The following FAM83A variants were observed in gnomAD, a reference collection of about 807,000 sequenced individuals.
FAM83A encodes scaffolding CK1 anchoring protein A.
Under a neutral mutation model 24.4 loss-of-function variants are expected in FAM83A, and 21 were observed. The observed-to-expected ratio is 0.86, with a 90% CI of 0.61 to 1.24. FAM83A has a LOEUF of 1.24. FAM83A is among the 50% of genes most tolerant of loss of function. The pLI, the probability that FAM83A is intolerant of heterozygous loss-of-function variation, is 0.00. For synonymous variants in FAM83A, 270 were observed against 252.4 expected (o/e 1.07, Z -0.66); for missense variants, 617 against 579.8 (o/e 1.06, Z -0.66).
intron 3 of FAM83A, among the ~76,000 whole-genome samples, chr8:123,203,266 A>G (rs1824421134): frequency 6.6e-6 from 1 of 151,694 alleles, no homozygotes; most frequent in Non-Finnish European, 1.5e-5. Flanking sequence ...TAATCTGACT[A>G]TATTACAATT....
chr8:123,205,442 G>A (rs1210833559), intron 3 of FAM83A, among the ~76,000 whole-genome samples: 1 of 152,226 alleles, frequency 6.6e-6, no homozygotes, highest in Non-Finnish European at 1.5e-5. Context: ...ACCTCTCTGG[G>A]GGTGTGGGTG....
chr8:123,193,716 G>A (rs1032609279), intron 2 of FAM83A, among the ~76,000 whole-genome samples: 4 of 152,180 alleles, frequency 2.6e-5, no homozygotes, highest in African/African-American at 9.7e-5. Context: ...CAACGTTCTG[G>A]CAGATTCGGC....
chr8:123,196,934 C>T (rs1019564588), intron 3 of FAM83A, among the ~76,000 whole-genome samples: 2 of 152,186 alleles, frequency 1.3e-5, no homozygotes, highest in Non-Finnish European at 2.9e-5. Context: ...CTCTCTCCTG[C>T]CTCATGGATT....
At chr8:123,187,334 C>T (rs1823836863) in intron 1 of FAM83A, among the ~76,000 whole-genome samples, 1 of 152,128 alleles carries the variant, frequency 6.6e-6, no homozygotes, top group Admixed American at 6.5e-5. Flanking sequence ...TAAGACCCTG[C>T]CCTTTCGAAC....
chr8:123,187,766 G>A (rs970054315), intron 1 of FAM83A, among the ~76,000 whole-genome samples: 4 of 152,220 alleles, frequency 2.6e-5, no homozygotes, highest in African/African-American at 7.2e-5. Flanking sequence ...GTCAGGGCCA[G>A]TGGAGAAAGT....
chr8:123,195,797 A>T (rs1824130255), intron 3 of FAM83A, among the ~76,000 whole-genome samples: 1 of 152,132 alleles, frequency 6.6e-6, no homozygotes, highest in Non-Finnish European at 1.5e-5. Context: ...CTGCAAGGGC[A>T]CTAACCCCAT....
At chr8:123,191,667 A>T in intron 1 of FAM83A, 136 bp from the exon 2 acceptor site, 1 of 883,712 alleles carries the variant, frequency 1.1e-6, no homozygotes, top group Non-Finnish European at 1.8e-6. Context: ...AGTCAGACCC[A>T]CTCTACCCCA....
exon 4 of FAM83A, chr8:123,207,396 G>T (rs1824593135): frequency 6.2e-7 from 1 of 1,610,992 alleles, no homozygotes. Flanking sequence ...TTCAGCGGCC[G>T]CTCGGCAGGC....
exon 3 of FAM83A, chr8:123,194,063 G>A (rs1310397089): frequency 6.2e-7 from 1 of 1,614,106 alleles, no homozygotes; most frequent in Non-Finnish European, 8.5e-7. Context: ...GATATACTGT[G>A]CCAAGTCAGG....
At chr8:123,198,095 C>T (rs1824222406) in intron 3 of FAM83A, among the ~76,000 whole-genome samples, 1 of 152,164 alleles carries the variant, frequency 6.6e-6, no homozygotes, top group East Asian at 1.9e-4. Flanking sequence ...CGCACCACTG[C>T]ACTCCAGCCT....
upstream of FAM83A, chr8:123,180,329 C>T (rs888352595): frequency 2.0e-5 from 3 of 152,200 alleles, no homozygotes; most frequent in African/African-American, 4.8e-5. Flanking sequence ...ACTGTGTCCT[C>T]TTCCTCTTCC....
chr8:123,206,327 G>T (rs1037596034), intron 3 of FAM83A, among the ~76,000 whole-genome samples: 1 of 152,084 alleles, frequency 6.6e-6, no homozygotes, highest in African/African-American at 2.4e-5. Context: ...CAGCGTCAAC[G>T]GGAGGCGCAC....
intron 3 of FAM83A, among the ~76,000 whole-genome samples, chr8:123,200,959 A>AAC (rs1554630454): frequency 1.1e-5 from 1 of 94,744 alleles, no homozygotes; most frequent in African/African-American, 3.4e-5. Context: ...CAAATAAACA[A>AAC]AAAAAAAAAA....
At position 123,183,174 on chromosome 8, in the gene FAM83A, C is replaced by A. The variant is rs766838487; in HGVS notation, c.318C>A (p.Phe106Leu). 30 of 1,613,626 alleles carry A rather than the reference C, an allele frequency of 1.9e-5. No individual in the cohort carries two copies. The highest frequency in any genetic ancestry group is 1.3e-4 in the African/African-American group (10 of 74,942). Residue 106 changes from phenylalanine to leucine, a missense_variant, in exon 1 of 4, where the codon TTC (phenylalanine) becomes TTA (leucine). Phe to Leu is a conservative substitution (Grantham distance 22). Coordinates refer to ENST00000690554, the Ensembl canonical transcript of FAM83A. Reference sequence around the variant, plus strand: ...GCTCCCTACAGTCCGGCACCTACTTCCCTGTGGCCTCAGAGGGCAGCGAGC... The same window carrying A: ...GCTCCCTACAGTCCGGCACCTACTTACCTGTGGCCTCAGAGGGCAGCGAGC...
chr8:123,183,385 C>T lies in FAM83A; in HGVS notation c.480+49C>T, dbSNP rs200152770. The T allele has an allele frequency of 3.6e-5, 57 of 1,571,992 alleles. No homozygotes were observed. The Middle Eastern group carries it at 5.1e-4, about 14-fold the overall frequency. On this transcript the variant is annotated intron_variant, in intron 1 of 3. Transcript: ENST00000690554. ...TCCGTGGCCAAGTAGCAGGGAGGAT[C>T]GGGGGCTGATAGAGCAGGGAGGGGG...
intron 1 of FAM83A, among the ~76,000 whole-genome samples, chr8:123,187,598 T>C (rs1209807544): frequency 6.6e-6 from 1 of 152,216 alleles, no homozygotes; most frequent in Non-Finnish European, 1.5e-5. Flanking sequence ...TAACTATTAA[T>C]AGTAAAGAAC....
At chr8:123,190,313 G>C (rs1412510343) in intron 1 of FAM83A, among the ~76,000 whole-genome samples, 1 of 152,134 alleles carries the variant, frequency 6.6e-6, no homozygotes, top group African/African-American at 2.4e-5. Flanking sequence ...CCAGGCTGGA[G>C]TGCAGTGGTG....
upstream of FAM83A, chr8:123,181,724 T>A (rs1322802892): frequency 8.0e-6 from 2 of 249,156 alleles, no homozygotes; most frequent in African/African-American, 4.4e-5. Context: ...TCCCCAGAGA[T>A]GTCCATGAAC....
intron 3 of FAM83A, among the ~76,000 whole-genome samples, chr8:123,196,310 C>T (rs76263545): frequency 6.6e-5 from 10 of 152,230 alleles, no homozygotes; most frequent in Non-Finnish European, 1.3e-4. Context: ...CCGCTCCCAG[C>T]CTCATTAAAG....
Sources: gnomAD v4.1 joint callset for allele counts (sites outside exome capture counted in the v4.1 genomes callset) on GRCh38, gnomAD v4.1.1 for gene constraint, MANE v1.5 for transcripts, NCBI Gene and HGNC (gene_info 2026-07-23, HGNC 2026-07-21) for gene names.